Variants in TAFA1 observed in about 807,000 individuals in gnomAD.
TAFA1 encodes TAFA chemokine like family member 1.
In TAFA1, 4 loss-of-function variants were observed where a neutral mutation model predicts 18.5. That is an observed-to-expected ratio of 0.22 (90% CI 0.11 to 0.49). The LOEUF is 0.49. Among genes scored for constraint, TAFA1 ranks in the 20% least tolerant of loss-of-function variants. The pLI, the probability that TAFA1 is intolerant of heterozygous loss-of-function variation, is 0.98. For synonymous variants in TAFA1, 56 were observed against 55.2 expected, an observed-to-expected ratio of 1.01 and a Z score of -0.06; for missense variants, 147 against 169.0, an observed-to-expected ratio of 0.87 and a Z score of 0.72.
the TAFA1 span, among the ~76,000 whole-genome samples, chr3:67,992,534 G>A: frequency 1.3e-5 from 2 of 152,066 alleles, no homozygotes; most frequent in Non-Finnish European, 2.9e-5. Context: ...TAAGATCTTT[G>A]AGAAGGACAG....
chr3:68,385,803 AT>A (rs1366279936), intron 2 of TAFA1, among the ~76,000 whole-genome samples: 1 of 151,882 alleles, frequency 6.6e-6, no homozygotes, highest in Non-Finnish European at 1.5e-5. Context: ...AAATTTTTTT[AT>A]TTGAAATACA....
chr3:68,315,150 G>A (rs1470383274), intron 2 of TAFA1, among the ~76,000 whole-genome samples: 2 of 152,062 alleles, frequency 1.3e-5, no homozygotes, highest in African/African-American at 4.8e-5. Flanking sequence ...AAGAGAGAAT[G>A]CCAATTCACA....
At chr3:68,252,517 G>C (rs1013701074) in intron 2 of TAFA1, among the ~76,000 whole-genome samples, 1 of 152,148 alleles carries the variant, frequency 6.6e-6, no homozygotes, top group Non-Finnish European at 1.5e-5. Context: ...ATTTTGGATG[G>C]GGCAAGAGCT....
chr3:68,386,599 T>C (rs2070109910), intron 2 of TAFA1, among the ~76,000 whole-genome samples: 1 of 152,152 alleles, frequency 6.6e-6, no homozygotes, highest in African/African-American at 2.4e-5. Flanking sequence ...ACCATCTTTT[T>C]TGACAACTAT....
intron 2 of TAFA1, among the ~76,000 whole-genome samples, chr3:68,101,958 T>A (rs2065152930): frequency 6.6e-6 from 1 of 152,170 alleles, no homozygotes; most frequent in African/African-American, 2.4e-5. Flanking sequence ...GCATGAAGAA[T>A]GCTAAGTAGG....
At chr3:68,173,538 G>A (rs987648207) in intron 2 of TAFA1, among the ~76,000 whole-genome samples, 88 of 152,096 alleles carry the variant, frequency 5.8e-4, no homozygotes, top group African/African-American at 2.0e-3. Flanking sequence ...AATATGTAAG[G>A]GGACATATAT....
intron 2 of TAFA1, among the ~76,000 whole-genome samples, chr3:68,251,979 G>A (rs1211540770): frequency 6.6e-6 from 1 of 152,126 alleles, no homozygotes; most frequent in Admixed American, 6.5e-5. Context: ...AGTTCCCAAG[G>A]CTCAGTCATT....
At chr3:68,348,424 A>G (rs1238593847) in intron 2 of TAFA1, among the ~76,000 whole-genome samples, 4 of 152,270 alleles carry the variant, frequency 2.6e-5, no homozygotes, top group East Asian at 1.9e-4. Context: ...ACCATCAAAT[A>G]TATTTGGCCA....
At chr3:68,322,171 T>C (rs1018481397) in intron 2 of TAFA1, among the ~76,000 whole-genome samples, 9 of 152,238 alleles carry the variant, frequency 5.9e-5, no homozygotes, top group Non-Finnish European at 1.2e-4. Flanking sequence ...CAAGTACAAA[T>C]TTTCTCTGAT....
At chr3:68,136,324 A>G (rs2065605767) in intron 2 of TAFA1, among the ~76,000 whole-genome samples, 1 of 152,230 alleles carries the variant, frequency 6.6e-6, no homozygotes, top group South Asian at 2.1e-4. Context: ...GTTCGGTTAA[A>G]TATGCATGCA....
At chr3:68,064,630 G>A (rs1335174503) in intron 2 of TAFA1, among the ~76,000 whole-genome samples, 4 of 152,006 alleles carry the variant, frequency 2.6e-5, no homozygotes, top group Non-Finnish European at 5.9e-5. Context: ...ATTAACACAT[G>A]ACAAATGAGC....
intron 2 of TAFA1, among the ~76,000 whole-genome samples, chr3:68,187,661 C>T (rs2066287622): frequency 6.6e-6 from 1 of 151,996 alleles, no homozygotes; most frequent in African/African-American, 2.4e-5. Context: ...TCATGCATTT[C>T]TCTTAAGCAC....
At chr3:68,534,197 G>T (rs575869639) in intron 3 of TAFA1, among the ~76,000 whole-genome samples, 2 of 152,204 alleles carry the variant, frequency 1.3e-5, no homozygotes, top group African/African-American at 4.8e-5. Flanking sequence ...TCAGTATTTA[G>T]AAAAGATTGA....
chr3:68,431,812 T>C (rs6774910), intron 3 of TAFA1, among the ~76,000 whole-genome samples: 3,999 of 152,046 alleles, frequency 0.026, 166 homozygotes, highest in African/African-American at 0.09. Flanking sequence ...TTTATTTGGC[T>C]GGGAGCGTCG....
intron 2 of TAFA1, among the ~76,000 whole-genome samples, chr3:68,171,694 TTGTGGAGAGTATGACAGCAATGTC>T (rs1457937306): frequency 6.6e-6 from 1 of 152,140 alleles, no homozygotes; most frequent in Admixed American, 6.5e-5. Flanking sequence ...CTCTAAAGAA[TTGTGGAGAGTATGACAGCAATGTC>T]TTGCCAAATA....
At chr3:67,996,707 G>C in the TAFA1 span, among the ~76,000 whole-genome samples, 2 of 151,982 alleles carry the variant, frequency 1.3e-5, no homozygotes, top group Admixed American at 1.3e-4. Context: ...GCTGAGGGAT[G>C]AGAATTCCCT....
chr3:68,389,026 T>G (rs1025993149), intron 2 of TAFA1, among the ~76,000 whole-genome samples: 3 of 152,196 alleles, frequency 2.0e-5, no homozygotes, highest in Admixed American at 2.0e-4. Flanking sequence ...AAGGTCACAT[T>G]ACTATTTAAT....
At chr3:68,171,117 A>G (rs1388263523) in intron 2 of TAFA1, among the ~76,000 whole-genome samples, 2 of 152,206 alleles carry the variant, frequency 1.3e-5, no homozygotes, top group Non-Finnish European at 2.9e-5. Context: ...CTGGATTTTA[A>G]ATAGCAATAT....
chr3:68,079,562 C>T (rs1367480119), intron 2 of TAFA1, among the ~76,000 whole-genome samples: 15 of 152,048 alleles, frequency 9.9e-5, no homozygotes, highest in Non-Finnish European at 1.6e-4. Context: ...GCCTTCATTT[C>T]GTTATGTACC....
Sources: allele counts gnomAD v4.1 joint callset (sites outside exome capture counted in the v4.1 genomes callset), GRCh38; gene constraint gnomAD v4.1.1; transcripts MANE v1.5; gene names NCBI Gene and HGNC (gene_info 2026-07-23, HGNC 2026-07-21).